F7: variants seen among roughly 807,000 people sequenced by gnomAD.
F7 encodes the protein FVII coagulation protein.
Under a neutral mutation model 47.5 loss-of-function variants are expected in F7, and 38 were observed. That is an observed-to-expected ratio of 0.80 (90% confidence interval 0.62 to 1.05). The LOEUF is 1.05. Ranked by LOEUF, F7 falls within the 50% of genes least tolerant of loss-of-function variation. The pLI, the probability that F7 is intolerant of heterozygous loss-of-function variation, is 0.00. For synonymous variants in F7, 244 were observed against 258.5 expected (o/e 0.94, Z 0.54); for missense variants, 575 against 605.4 (o/e 0.95, Z 0.53).
intron 1 of F7, among the ~76,000 whole-genome samples, chr13:113,106,663 T>TC (rs2142198999): frequency 3.6e-5 from 1 of 28,020 alleles, no homozygotes. Flanking sequence ...GGCCTGGGAA[T>TC]GGTGAGTGGG....
chr13:113,118,423 C>T lies in F7; in HGVS notation c.750C>T (p.Asp250=). The change falls in exon 8 of 8, where the codon GAC becomes GAT. Residue 250 remains aspartate, a synonymous_variant. Transcript: ENST00000346342. ...GCTTCTTCCTTCCAGGCGAGCACGA[C>T]CTCAGCGAGCACGACGGGGATGAGC... ...RNLIAVLGEH[D]LSEHDGDEQS... 4 of 1,596,550 alleles carry T rather than the reference C, an allele frequency of 2.5e-6. No homozygotes were observed. In the African/African-American group the frequency reaches 4.0e-5, roughly 16 times the overall value.
At chr13:113,114,176 T>C (rs2036153162) in intron 4 of F7, among the ~76,000 whole-genome samples, 2 of 152,278 alleles carry the variant, frequency 1.3e-5, no homozygotes, top group East Asian at 3.9e-4. Flanking sequence ...TCAGACTCAG[T>C]GGCCCCTTGG....
chr13:113,115,454 T>C (rs990691270), intron 4 of F7, among the ~76,000 whole-genome samples: 1 of 152,160 alleles, frequency 6.6e-6, no homozygotes, highest in Non-Finnish European at 1.5e-5. Context: ...GGCAAGGCTG[T>C]TCAGACATGT....
At chr13:113,115,860 T>C in intron 5 of F7, 60 bp downstream of exon 5, 1 of 1,609,090 alleles carries the variant, frequency 6.2e-7, no homozygotes, top group Non-Finnish European at 8.5e-7. Context: ...CTACGGATTA[T>C]CTTACTGGAC....
At chr13:113,111,407 TCACAGGACACCTCA>T (rs1566907074) in intron 2 of F7, among the ~76,000 whole-genome samples, 1 of 73,564 alleles carries the variant, frequency 1.4e-5, no homozygotes, top group African/African-American at 9.1e-5. Context: ...CACCTCACAC[TCACAGGACACCTCA>T]CACTCACAGG....
chr13:113,117,005 T>C (rs1595078423), intron 6 of F7, 130 bp downstream of exon 6: 1 of 773,084 alleles, frequency 1.3e-6, no homozygotes, highest in Non-Finnish European at 2.3e-6. Flanking sequence ...TCAGCACACC[T>C]AGCACCTCCA....
Position 113,116,495 on chromosome 13 carries a change from G to A in F7, c.506-271G>A, listed in dbSNP as rs191586279. ...AGTGAGCAGAGGGCGGTTTTAAGAC[G>A]TAAGCCCTCTGTTTCCTCCAAAACC... On this transcript the variant is annotated intron_variant, in intron 5 of 7. Transcript: ENST00000346342. 1.5e-3 allele frequency among the ~76,000 whole-genome samples: 221 copies of A among 152,350 alleles called. 1 individual carries two copies. The highest frequency in any genetic ancestry group is 5.1e-3 in the African/African-American group (210 of 41,574).
At position 113,118,773 on chromosome 13, in the gene F7, G is replaced by A; in HGVS notation, c.1100G>A (p.Cys367Tyr). 6.2e-7 allele frequency: 1 copy of A among 1,613,234 alleles called. No homozygotes were observed. The highest frequency in any genetic ancestry group is 8.5e-7 in the Non-Finnish European group (1 of 1,179,996). Reference sequence around the variant, plus strand: ...CCAAATATCACGGAGTACATGTTCTGTGCCGGCTACTCGGATGGCAGCAAG... The same window carrying A: ...CCAAATATCACGGAGTACATGTTCTATGCCGGCTACTCGGATGGCAGCAAG... ...DSPNITEYMF[C>Y]AGYSDGSKDS... Residue 367 changes from cysteine to tyrosine, a missense_variant, in exon 8 of 8, where the codon TGT becomes TAT. Physicochemically the swap from Cys to Tyr is radical, Grantham distance 194. Coordinates refer to ENST00000346342, the MANE Select transcript of F7 (RefSeq NM_019616.4).
intron 2 of F7, among the ~76,000 whole-genome samples, chr13:113,112,645 C>T (rs1307581291): frequency 6.8e-6 from 1 of 147,180 alleles, no homozygotes. Context: ...ACTCAGGTCA[C>T]CTCACACCCA....
intron 1 of F7, 116 bp downstream of exon 1, chr13:113,106,021 G>A (rs932931729): frequency 1.6e-5 from 14 of 860,362 alleles, no homozygotes; most frequent in Admixed American, 2.7e-5. Context: ...TCCACCAGGA[G>A]GGTTTTCTGG....
intron 1 of F7, 157 bp from the exon 2 acceptor site, chr13:113,110,533 G>A (rs1332149092): frequency 6.2e-6 from 6 of 962,256 alleles, no homozygotes; most frequent in Non-Finnish European, 9.2e-6. Flanking sequence ...CGGGAGCACG[G>A]CAGGGAGGAC....
intron 2 of F7, among the ~76,000 whole-genome samples, chr13:113,111,417 C>A (rs1335323811): frequency 7.2e-5 from 8 of 110,410 alleles, no homozygotes; most frequent in African/African-American, 3.1e-4. Context: ...TCACAGGACA[C>A]CTCACACTCA....
intron 1 of F7, among the ~76,000 whole-genome samples, chr13:113,107,922 C>T (rs71446939): frequency 1.4e-5 from 1 of 73,078 alleles, no homozygotes; most frequent in African/African-American, 4.8e-5. Flanking sequence ...GTCCCAGGGG[C>T]GTGGGTGTCC....
In F7 at chr13:113,115,714, G is replaced by T. The variant is rs1180438213; in HGVS notation, c.419G>T (p.Cys140Phe). 6.2e-7 allele frequency: 1 copy of T among 1,613,076 alleles called. No homozygotes were observed. The highest frequency in any genetic ancestry group is 1.7e-5 in the Admixed American group (1 of 60,016). ...VNENGGCEQYCSDHTGTKRSC... is the reference protein window; with the variant it reads ...VNENGGCEQYFSDHTGTKRSC... ...GAGAACGGCGGCTGTGAGCAGTACT[G>T]CAGTGACCACACGGGCACCAAGCGC... The change falls in exon 5 of 8, where the codon TGC (cysteine) becomes TTC (phenylalanine). Residue 140 changes from cysteine to phenylalanine, a missense_variant. By Grantham distance (205) the Cys-to-Phe change is radical (BLOSUM62 -2). Coordinates refer to ENST00000346342, the MANE Select transcript of F7 (RefSeq NM_019616.4).
Position 113,119,255 on chromosome 13 carries a change from G to A in F7, c.*247G>A. 3.6e-6 allele frequency: 2 copies of A among 558,732 alleles called. No homozygotes were observed. The highest frequency in any genetic ancestry group is 2.3e-5 in the South Asian group (1 of 42,880). 34.6% of individuals were successfully genotyped at this position (558,732 alleles called of 1,614,324 possible). A position where few individuals can be genotyped will look rare whatever the true frequency, so the allele number is the denominator to read the frequency against. On this transcript the variant is annotated 3_prime_UTR_variant, in exon 8 of 8. Coordinates refer to ENST00000346342, the MANE Select transcript of F7 (RefSeq NM_019616.4). ...TCAAAGAGACTAATAGAGACACAGA[G>A]ATGGAATAGAAAAGATGAGAGGCAG...
intron 1 of F7, among the ~76,000 whole-genome samples, chr13:113,106,246 C>T (rs2035950434): frequency 7.5e-6 from 1 of 133,220 alleles, no homozygotes; most frequent in Non-Finnish European, 1.6e-5. Flanking sequence ...ACAGGGTGCT[C>T]CCAGGCTGGG....
At chr13:113,109,669 CCTCCCGCG>C (rs1415004948) in intron 1 of F7, among the ~76,000 whole-genome samples, 1 of 152,192 alleles carries the variant, frequency 6.6e-6, no homozygotes, top group Non-Finnish European at 1.5e-5. Context: ...CTCCAGAGCC[CCTCCCGCG>C]CGTCCTCTCA....
chr13:113,116,740 A>C (rs2036198795), intron 5 of F7, 26 bp from the exon 6 acceptor site: 2 of 1,526,222 alleles, frequency 1.3e-6, no homozygotes, highest in East Asian at 4.5e-5. Flanking sequence ...AAATCTCTGC[A>C]TCTTTCTGAC....
At chr13:113,107,128 C>G (rs1028384055) in intron 1 of F7, among the ~76,000 whole-genome samples, 1 of 152,108 alleles carries the variant, frequency 6.6e-6, no homozygotes, top group Non-Finnish European at 1.5e-5. Context: ...CTGTTCCTTC[C>G]AGATAATCGT....
Sources: gnomAD v4.1 joint callset for allele counts (sites outside exome capture counted in the v4.1 genomes callset) on GRCh38, gnomAD v4.1.1 for gene constraint, MANE v1.5 for transcripts, NCBI Gene and HGNC (gene_info 2026-07-23, HGNC 2026-07-21) for gene names.